Variants in TLE1 observed in about 807,000 individuals in gnomAD.
The protein encoded by TLE1 is TLE family member 1, transcriptional corepressor.
A neutral mutation model predicts 89.8 loss-of-function variants in TLE1; 21 were observed. The observed-to-expected ratio is 0.23, with a 90% CI of 0.17 to 0.34. The LOEUF is 0.34. Among genes scored for constraint, TLE1 ranks in the 10% least tolerant of loss-of-function variants. TLE1 has a pLI of 1.00. For missense variants in TLE1, 795 were observed against 1,031.2 expected, an observed-to-expected ratio of 0.77 and a Z score of 3.14; for synonymous variants, 447 against 407.6, an observed-to-expected ratio of 1.10 and a Z score of -1.16.
At chr9:81,628,733 C>G (rs915601817) in intron 8 of TLE1, among the ~76,000 whole-genome samples, 6 of 147,152 alleles carry the variant, frequency 4.1e-5, no homozygotes, top group African/African-American at 1.6e-4. Context: ...ACAACATGGT[C>G]GCTCAGATTA....
chr9:81,638,933 AT>A (rs570058404), intron 6 of TLE1, among the ~76,000 whole-genome samples: 3 of 150,750 alleles, frequency 2.0e-5, no homozygotes, highest in African/African-American at 4.9e-5. Context: ...CGATACATGC[AT>A]TTTTTTTGAA....
At chr9:81,590,412 C>CT (rs1252491830) in intron 16 of TLE1, among the ~76,000 whole-genome samples, 28 of 152,280 alleles carry the variant, frequency 1.8e-4, no homozygotes, top group African/African-American at 6.3e-4. Context: ...TTTCTGTTAT[C>CT]TTTTATCAGT....
intron 2 of TLE1, among the ~76,000 whole-genome samples, chr9:81,686,735 G>T (rs1362013726): frequency 6.6e-6 from 1 of 152,158 alleles, no homozygotes; most frequent in Non-Finnish European, 1.5e-5. Context: ...CTCATTACTT[G>T]AAGAAACTAA....
intron 4 of TLE1, among the ~76,000 whole-genome samples, chr9:81,664,621 G>A (rs1174427317): frequency 6.6e-6 from 1 of 151,902 alleles, no homozygotes; most frequent in Non-Finnish European, 1.5e-5. Flanking sequence ...CAGCACTTTT[G>A]CGGGGCTGAG....
chr9:81,656,804 AT>A (rs1564035786), intron 4 of TLE1, among the ~76,000 whole-genome samples: 1 of 152,244 alleles, frequency 6.6e-6, no homozygotes, highest in Non-Finnish European at 1.5e-5. Flanking sequence ...TTTATGTTTC[AT>A]TTAATTTTGC....
intron 6 of TLE1, among the ~76,000 whole-genome samples, chr9:81,642,648 G>A (rs903207414): frequency 2.0e-5 from 3 of 151,766 alleles, no homozygotes; most frequent in South Asian, 2.1e-4. Flanking sequence ...GAGCCAACAC[G>A]GTGCCACTGC....
At chr9:81,687,968 C>G (rs2133213571) in intron 1 of TLE1, among the ~76,000 whole-genome samples, 1 of 152,230 alleles carries the variant, frequency 6.6e-6, no homozygotes, top group East Asian at 1.9e-4. Flanking sequence ...AGAGAAACCC[C>G]AGCCTTCCCC....
chr9:81,615,692 G>T (rs1186172075), intron 11 of TLE1, among the ~76,000 whole-genome samples: 2 of 143,592 alleles, frequency 1.4e-5, no homozygotes, highest in Non-Finnish European at 3.0e-5. Context: ...TAGCCTGGAT[G>T]ATGGAGTGAG....
intron 6 of TLE1, among the ~76,000 whole-genome samples, chr9:81,637,614 C>T (rs1221134201): frequency 2.0e-5 from 3 of 151,202 alleles, no homozygotes; most frequent in African/African-American, 7.3e-5. Context: ...CTGGGTTCTT[C>T]CATCCATTGC....
chr9:81,687,383 G>A lies in TLE1; in HGVS notation c.76C>T (p.Leu26=), dbSNP rs1179746262. ...QPFKFTIPES[L]DRIKEEFQFL... is the part of the protein sequence containing the mutation. ...TGGAATTCCTCTTTAATCCGGTCCA[G>A]GGACTCCGGGATAGTGAACTTGAAG... Residue 26 remains leucine (L), a synonymous_variant, in exon 2 of 20, where the codon CTG becomes TTG. Transcript: ENST00000376499. 1.2e-6 allele frequency: 2 copies of A among 1,611,056 alleles called. No homozygotes were observed. Among genetic ancestry groups the A allele is most frequent in the African/African-American group, 1.3e-5 (1 of 74,902 alleles).
intron 8 of TLE1, among the ~76,000 whole-genome samples, chr9:81,622,561 C>T (rs1031206292): frequency 1.3e-5 from 2 of 152,204 alleles, no homozygotes; most frequent in African/African-American, 4.8e-5. Flanking sequence ...CGTGGCTGGA[C>T]CTTTAAGACT....
chr9:81,615,195 G>A (rs1300560763), intron 11 of TLE1, among the ~76,000 whole-genome samples: 4 of 150,614 alleles, frequency 2.7e-5, no homozygotes, highest in African/African-American at 9.8e-5. Context: ...CAGGCGTGGT[G>A]GTGAGTGCCT....
chr9:81,651,550 T>C (rs966193505), intron 6 of TLE1, among the ~76,000 whole-genome samples: 1 of 152,228 alleles, frequency 6.6e-6, no homozygotes. Context: ...GCTCTTTTCA[T>C]TGGTGTGTGA....
intron 6 of TLE1, among the ~76,000 whole-genome samples, chr9:81,637,273 G>A (rs538493184): frequency 1.3e-3 from 194 of 152,042 alleles, no homozygotes; most frequent in Non-Finnish European, 2.2e-3. Context: ...TGGGAGAATC[G>A]CTTGAACTTG....
In TLE1 at chr9:81,688,527, G is replaced by A. The variant is rs2244732; in HGVS notation, c.-287C>T. The A allele has an allele frequency of 0.26, 92,014 of 348,802 alleles. 12,933 individuals carry two copies. The highest frequency in any genetic ancestry group is 0.3 in the Non-Finnish European group (59,669 of 196,198). 21.6% of individuals were successfully genotyped at this position (348,802 alleles called of 1,614,324 possible). On this transcript the variant is annotated 5_prime_UTR_variant, in exon 1 of 20. Transcript: ENST00000376499. Reference sequence around the variant, plus strand: ...GAGACGTCGGGCGCTCGGGGACTGTGCGCGGGGGCAGCGCTCCAACCCCCG... The same window carrying A: ...GAGACGTCGGGCGCTCGGGGACTGTACGCGGGGGCAGCGCTCCAACCCCCG...
chr9:81,593,116 C>A lies in TLE1; in HGVS notation c.1490G>T (p.Arg497Ile). 6.2e-7 allele frequency: 1 copy of A among 1,614,140 alleles called. No individual in the cohort carries two copies. Among genetic ancestry groups the A allele is most frequent in the Non-Finnish European group, 8.5e-7 (1 of 1,180,038 alleles). Residue 497 changes from arginine (R) to isoleucine (I), a missense_variant, in exon 15 of 20, where the codon AGA becomes ATA. Arg to Ile is a moderately conservative substitution (Grantham distance 97). Transcript: ENST00000376499. ...VCAVTISNPTRHVYTGGKGCV... is the reference protein window; with the variant it reads ...VCAVTISNPTIHVYTGGKGCV... Reference sequence around the variant, plus strand: ...GCCCTTCCCGCCTGTGTACACGTGTCTCGTGGGGTTGCTGATGGTCACAGC... The same window carrying A: ...GCCCTTCCCGCCTGTGTACACGTGTATCGTGGGGTTGCTGATGGTCACAGC...
intron 8 of TLE1, among the ~76,000 whole-genome samples, chr9:81,622,044 T>C (rs1359851873): frequency 6.6e-6 from 1 of 152,128 alleles, no homozygotes; most frequent in African/African-American, 2.4e-5. Flanking sequence ...ATTACCTAGA[T>C]ACATGTCCGC....
At chr9:81,616,723 C>G (rs1326472266) in intron 9 of TLE1, 24 bp from the exon 10 acceptor site, 12 of 1,613,554 alleles carry the variant, frequency 7.4e-6, no homozygotes, top group Non-Finnish European at 1.0e-5. Context: ...ACATTAACGC[C>G]ATTTACTAAA....
intron 14 of TLE1, among the ~76,000 whole-genome samples, chr9:81,600,647 C>T (rs1488535313): frequency 6.9e-6 from 1 of 144,562 alleles, no homozygotes; most frequent in African/African-American, 2.6e-5. Context: ...AAAAAAAAAC[C>T]TACCCAAATA....
Sources: gnomAD v4.1 joint callset for allele counts (sites outside exome capture counted in the v4.1 genomes callset) on GRCh38, gnomAD v4.1.1 for gene constraint, MANE v1.5 for transcripts, NCBI Gene and HGNC (gene_info 2026-07-23, HGNC 2026-07-21) for gene names.